Variants in PIEZO2 observed in about 807,000 individuals in gnomAD.
PIEZO2 encodes the protein piezo type mechanosensitive ion channel component 2.
A neutral mutation model predicts 337.3 loss-of-function variants in PIEZO2; 172 were observed. That is an observed-to-expected ratio of 0.51 (90% confidence interval 0.45 to 0.58). The LOEUF (loss-of-function observed/expected upper bound fraction) is 0.58, where lower values mean the gene tolerates loss of function less well. Ranked by LOEUF, PIEZO2 falls within the 20% of genes least tolerant of loss-of-function variation. The pLI is 0.00. For missense variants in PIEZO2, 3,028 were observed against 3,391.3 expected, an observed-to-expected ratio of 0.89 and a Z score of 2.66; for synonymous variants, 1,251 against 1,228.5, an observed-to-expected ratio of 1.02 and a Z score of -0.38.
intron 5 of PIEZO2, among the ~76,000 whole-genome samples, chr18:10,868,303 C>T (rs1035611557): frequency 1.3e-5 from 2 of 152,118 alleles, no homozygotes; most frequent in Admixed American, 1.3e-4. Context: ...GTGCAAACTC[C>T]AAGATTTATA....
chr18:10,872,726 G>A lies in PIEZO2; in HGVS notation c.330-1311C>T, dbSNP rs551425015. Among the ~76,000 whole-genome samples the A allele has an allele frequency of 3.3e-5, 5 of 152,148 alleles. No individual in the cohort carries two copies. Among genetic ancestry groups the A allele is most frequent in the East Asian group, 1.9e-4 (1 of 5,198 alleles). ...CTATTATTAAAGCCACATGAAGAGCGATTCCCGGCATGTTCTCTGCTCACT... is the reference window on the plus strand; with the variant it reads ...CTATTATTAAAGCCACATGAAGAGCAATTCCCGGCATGTTCTCTGCTCACT... On this transcript the variant is annotated intron_variant, in intron 4 of 55. Transcript: ENST00000674853. The surrounding 1 kb of genome is among the most constrained non-coding windows in gnomAD (Gnocchi z 4.3).
Position 10,907,367 on chromosome 18 carries a change from C to T in PIEZO2, c.329+3819G>A, listed in dbSNP as rs545618667. Among the ~76,000 whole-genome samples the T allele has an allele frequency of 2.8e-4, 43 of 151,532 alleles. No individual in the cohort carries two copies. The South Asian group carries it at 6.5e-3, about 23-fold the overall frequency. On this transcript the variant is annotated intron_variant, in intron 4 of 55. Coordinates refer to ENST00000674853, the MANE Select transcript of PIEZO2 (RefSeq NM_001378183.1). The stretch of plus-strand genomic sequence containing the variant: ...CTGAGGCAGGAGAATCGCCTGAACC[C>T]GGGAAGCAGAGGTTGCAGTGAGCTG...
chr18:11,061,846 T>C (rs558508339), intron 2 of PIEZO2, among the ~76,000 whole-genome samples: 1 of 152,206 alleles, frequency 6.6e-6, no homozygotes. Flanking sequence ...AGGTAATTTA[T>C]AGATTCAATG....
intron 1 of PIEZO2, among the ~76,000 whole-genome samples, chr18:11,090,912 T>TAAAAA (rs61020782): frequency 8.1e-6 from 1 of 123,690 alleles, no homozygotes; most frequent in Non-Finnish European, 1.7e-5. Context: ...AGACTCCGTC[T>TAAAAA]AAAAAAAAAA....
intron 7 of PIEZO2, among the ~76,000 whole-genome samples, chr18:10,844,435 A>AAAATAAAATAAAATAAAATAAAATG (rs1437040848): frequency 6.6e-6 from 1 of 151,668 alleles, no homozygotes; most frequent in Non-Finnish European, 1.5e-5. Flanking sequence ...AAAATAAAAT[A>AAAATAAAATAAAATAAAATAAAATG]AAATAAAATA....
chr18:10,994,031 C>T (rs548064829), intron 2 of PIEZO2, among the ~76,000 whole-genome samples: 2 of 152,268 alleles, frequency 1.3e-5, no homozygotes, highest in South Asian at 2.1e-4. Flanking sequence ...CCTGCGTCCA[C>T]AAAGTCTATT....
At chr18:10,709,802 G>A (rs932474306) in intron 39 of PIEZO2, among the ~76,000 whole-genome samples, 2 of 152,264 alleles carry the variant, frequency 1.3e-5, no homozygotes, top group Admixed American at 1.3e-4. Flanking sequence ...CAAGACAGGG[G>A]CAGCCAGTGA....
chr18:10,911,860 T>C (rs1340773379), intron 3 of PIEZO2, among the ~76,000 whole-genome samples: 2 of 152,032 alleles, frequency 1.3e-5, no homozygotes. Context: ...CGCCAATAAT[T>C]CTCTAAAAAT....
At chr18:11,056,214 C>T (rs1046682702) in intron 2 of PIEZO2, among the ~76,000 whole-genome samples, 1 of 152,196 alleles carries the variant, frequency 6.6e-6, no homozygotes, top group Non-Finnish European at 1.5e-5. Context: ...TGGGTCCAGG[C>T]TGCCCCTGGC....
chr18:10,812,270 G>A (rs1024489950), intron 7 of PIEZO2, among the ~76,000 whole-genome samples: 1 of 152,152 alleles, frequency 6.6e-6, no homozygotes, highest in African/African-American at 2.4e-5. Context: ...AGACTACTAC[G>A]AATAAAAATT....
chr18:10,826,329 C>T lies in PIEZO2; in HGVS notation c.918-19055G>A, dbSNP rs138362042. ...TTTATGTTAAAGTAAATATGAGTTC[C>T]TAATGATGACTCCAATTCCAATCTG... On this transcript the variant is annotated intron_variant, in intron 7 of 55. Transcript: ENST00000674853. 2.6e-5 allele frequency among the ~76,000 whole-genome samples: 4 copies of T among 152,332 alleles called. No individual in the cohort carries two copies. In the East Asian group the frequency reaches 7.7e-4, roughly 29 times the overall value.
chr18:10,990,856 C>G (rs1301531152), intron 2 of PIEZO2, among the ~76,000 whole-genome samples: 1 of 151,262 alleles, frequency 6.6e-6, no homozygotes, highest in East Asian at 1.9e-4. Context: ...TAAATTACAC[C>G]TGGTCTTGGT....
intron 2 of PIEZO2, among the ~76,000 whole-genome samples, chr18:11,022,454 G>A (rs1439263784): frequency 6.6e-6 from 1 of 152,186 alleles, no homozygotes; most frequent in African/African-American, 2.4e-5. Flanking sequence ...GATTGTCTCA[G>A]TTGTAAAGGC....
rs2039332310 is a variant in PIEZO2 at position 10,789,271 on chromosome 18, C to T, written c.1977G>A (p.Glu659=). 6.5e-7 allele frequency: 1 copy of T among 1,537,356 alleles called. No homozygotes were observed. The highest frequency in any genetic ancestry group is 8.7e-7 in the Non-Finnish European group (1 of 1,146,928). The change falls in exon 15 of 56, where the codon GAG becomes GAA. Residue 659 remains glutamate, a synonymous_variant. Coordinates refer to ENST00000674853, the MANE Select transcript of PIEZO2 (RefSeq NM_001378183.1). ...KEEKQERKKV[E]QEEAEEEDEQ... ...CATCTTCTTCTTCAGCTTCCTCTTG[C>T]TCTACCTTCTTTCTCTCTTGCTTCT...
intron 4 of PIEZO2, among the ~76,000 whole-genome samples, chr18:10,909,602 T>G (rs1293474534): frequency 6.6e-6 from 1 of 152,226 alleles, no homozygotes; most frequent in Non-Finnish European, 1.5e-5. Context: ...ACATAGTATC[T>G]GAGAACTTCT....
chr18:11,127,388 T>C lies in PIEZO2; in HGVS notation c.64+21137A>G, dbSNP rs1002009076. On this transcript the variant is annotated intron_variant, in intron 1 of 55. Transcript: ENST00000674853. This position sits in a 1 kb window ranked among gnomAD's most constrained non-coding sequence, Gnocchi z 4.5. ...GATCCTGGGTGTGTCTGGGAGGGTG[T>C]TGCCAAAAGAGATTACCATTTGAGA... is the stretch of plus-strand genomic sequence containing the variant. Among the ~76,000 whole-genome samples the C allele has an allele frequency of 1.3e-5, 2 of 152,144 alleles. No homozygotes were observed. Among genetic ancestry groups the C allele is most frequent in the East Asian group, 3.9e-4 (2 of 5,192 alleles).
In PIEZO2 at chr18:10,813,683, G is replaced by C. The variant is rs114026243; in HGVS notation, c.918-6409C>G. Reference sequence around the variant, plus strand: ...CCACCTTCTGACTATTGTTCATAACGCTGTTATGAACATGGGTGAACAAAT... The same window carrying C: ...CCACCTTCTGACTATTGTTCATAACCCTGTTATGAACATGGGTGAACAAAT... On this transcript the variant is annotated intron_variant, in intron 7 of 55. Coordinates refer to ENST00000674853, the MANE Select transcript of PIEZO2 (RefSeq NM_001378183.1). This position sits in a 1 kb window ranked among gnomAD's most constrained non-coding sequence, Gnocchi z 4.2. Among the ~76,000 whole-genome samples the C allele has an allele frequency of 1.3e-5, 2 of 152,054 alleles. No homozygotes were observed. Among genetic ancestry groups the C allele is most frequent in the Admixed American group, 1.3e-4 (2 of 15,252 alleles).
Position 11,031,950 on chromosome 18 carries a change from CTCTG to C in PIEZO2, c.160+34173_160+34176del, listed in dbSNP as rs1269117339. Among the ~76,000 whole-genome samples the C allele has an allele frequency of 3.9e-5, 6 of 152,182 alleles. No individual in the cohort carries two copies. The highest frequency in any genetic ancestry group is 7.3e-5 in the Non-Finnish European group (5 of 68,040). The stretch of plus-strand genomic sequence containing the variant: ...AGATACGAGACAAAACTCGTTCTCT[CTCTG>C]TCTTTCTCTGTTTCTCTCTGTCTCT... On this transcript the variant is annotated intron_variant, in intron 2 of 55. Coordinates refer to ENST00000674853, the MANE Select transcript of PIEZO2 (RefSeq NM_001378183.1). The surrounding 1 kb of genome is among the most constrained non-coding windows in gnomAD (Gnocchi z 4.7).
chr18:10,995,748 G>A (rs1217884672), intron 2 of PIEZO2, among the ~76,000 whole-genome samples: 2 of 152,158 alleles, frequency 1.3e-5, no homozygotes, highest in African/African-American at 2.4e-5. Flanking sequence ...TCCAGTGACT[G>A]TGTTCACCCC....
Sources: allele counts gnomAD v4.1 joint callset (sites outside exome capture counted in the v4.1 genomes callset), GRCh38; gene constraint gnomAD v4.1.1; non-coding constraint Gnocchi (gnomAD v3.1); transcripts MANE v1.5; gene names NCBI Gene and HGNC (gene_info 2026-07-23, HGNC 2026-07-21).